Variants in KATNAL2 observed in about 807,000 individuals in gnomAD.
KATNAL2 encodes katanin catalytic subunit A1 like 2.
A neutral mutation model predicts 76.3 loss-of-function variants in KATNAL2; 52 were observed. That is an observed-to-expected ratio of 0.68 (90% CI 0.55 to 0.86). The LOEUF (loss-of-function observed/expected upper bound fraction) is 0.86, where lower values mean the gene tolerates loss of function less well. Among genes scored for constraint, KATNAL2 ranks in the 40% least tolerant of loss-of-function variants. The pLI, the probability that KATNAL2 is intolerant of heterozygous loss-of-function variation, is 0.00. For missense variants in KATNAL2, 660 were observed against 668.9 expected, an observed-to-expected ratio of 0.99 and a Z score of 0.15; for synonymous variants, 243 against 244.2, an observed-to-expected ratio of 1.00 and a Z score of 0.05.
intron 1 of KATNAL2, among the ~76,000 whole-genome samples, chr18:46,928,580 A>G (rs1451868828): frequency 6.6e-6 from 1 of 152,188 alleles, no homozygotes; most frequent in Non-Finnish European, 1.5e-5. Flanking sequence ...CTGAAGCTGC[A>G]TGCTGGGAGA....
rs530706275 is a variant in KATNAL2, at chr18:46,936,658, T to C, written c.-509-9399T>C. Among the ~76,000 whole-genome samples the C allele has an allele frequency of 8.5e-5, 13 of 152,130 alleles. No homozygotes were observed. In the South Asian group the frequency reaches 2.5e-3, roughly 29 times the overall value. On this transcript the variant is annotated intron_variant, in intron 1 of 17. Coordinates refer to ENST00000683218, the MANE Select transcript of KATNAL2 (RefSeq NM_001387690.1). ...TGAATGATGATGAAAATACTACATATCCAAATTTATGGGCCAGACACGGTG... is the reference window on the plus strand; with the variant it reads ...TGAATGATGATGAAAATACTACATACCCAAATTTATGGGCCAGACACGGTG...
intron 3 of KATNAL2, among the ~76,000 whole-genome samples, chr18:46,960,889 G>A (rs59183720): frequency 0.02 from 2,992 of 152,322 alleles, 95 homozygotes; most frequent in African/African-American, 0.068. Context: ...GTTAAAGAAG[G>A]AAGTGGCTTT....
intron 3 of KATNAL2, among the ~76,000 whole-genome samples, chr18:47,042,107 C>G (rs969329343): frequency 2.6e-5 from 4 of 152,094 alleles, no homozygotes; most frequent in African/African-American, 9.7e-5. Flanking sequence ...GATACCAGTC[C>G]TTTATCAGAT....
Position 47,054,576 on chromosome 18 carries a change from G to A in KATNAL2, c.332+138G>A, listed in dbSNP as rs891839707. 1.1e-5 allele frequency: 9 copies of A among 817,134 alleles called. No homozygotes were observed. The African/African-American group carries it at 1.6e-4, about 14-fold the overall frequency. The allele number at this position is 817,134 out of a possible 1,614,324, so 50.6% of individuals were successfully genotyped here. A position where few individuals can be genotyped will look rare whatever the true frequency, so the allele number is the denominator to read the frequency against. ...CAGTCATGTGACCTGGCCCAGCCCA[G>A]GACTTCTCTCATTACAGCTGCCCCA... On this transcript the variant is annotated intron_variant, in intron 6 of 17. Coordinates refer to ENST00000683218, the MANE Select transcript of KATNAL2 (RefSeq NM_001387690.1).
chr18:46,923,564 A>T (rs1179913706), intron 1 of KATNAL2, among the ~76,000 whole-genome samples: 8 of 152,116 alleles, frequency 5.3e-5, no homozygotes, highest in Non-Finnish European at 1.0e-4. Context: ...TAGCAGCATG[A>T]TTTATAATCC....
chr18:47,056,138 C>G (rs1016810159), intron 6 of KATNAL2, among the ~76,000 whole-genome samples: 3 of 152,176 alleles, frequency 2.0e-5, no homozygotes, highest in Non-Finnish European at 4.4e-5. Context: ...TGATGGATGA[C>G]AGAAATGGGA....
chr18:47,098,233 AAG>A, intron 15 of KATNAL2: 1 of 406,970 alleles, frequency 2.5e-6, no homozygotes, highest in Non-Finnish European at 4.8e-6. Context: ...AAAAAAAAAA[AAG>A]TGTACTAGTC....
chr18:47,052,286 G>A (rs114242724), intron 4 of KATNAL2, among the ~76,000 whole-genome samples: 2,730 of 152,302 alleles, frequency 0.018, 80 homozygotes, highest in African/African-American at 0.062. Context: ...ACACTCTGAA[G>A]TGCAATGTGT....
chr18:47,087,385 A>T (rs1399406975), intron 15 of KATNAL2, among the ~76,000 whole-genome samples: 1 of 152,196 alleles, frequency 6.6e-6, no homozygotes, highest in Non-Finnish European at 1.5e-5. Context: ...GAACGAGATG[A>T]TGTCTTTTGT....
rs376877321 is a variant in KATNAL2 at position 47,043,245 on chromosome 18, A to AAAAAAAAAAAAAAAT, written c.52-3212_52-3211insAAAAAAAAAAAAAAT. Among the ~76,000 whole-genome samples the AAAAAAAAAAAAAAAT allele has an allele frequency of 1.2e-3, 110 of 93,124 alleles. 15 individuals are homozygous for AAAAAAAAAAAAAAAT. Among genetic ancestry groups the AAAAAAAAAAAAAAAT allele is most frequent in the African/African-American group, 3.0e-3 (75 of 24,722 alleles). The allele number at this position is 93,124 out of a possible 152,430, so 61.1% of individuals were successfully genotyped here. ...CCGTTTCAAAAAAAAAAAAAAAAAAAGAGATCCTAAAAGCTTCCTGGGAAG... is the reference window on the plus strand; with the variant it reads ...CCGTTTCAAAAAAAAAAAAAAAAAAAAAAAAAAAAAAAAATGAGATCCTAAAAGCTTCCTGGGAAG... On this transcript the variant is annotated intron_variant, in intron 3 of 17. Transcript: ENST00000683218.
At position 46,944,219 on chromosome 18, in the gene KATNAL2, A is replaced by G. The variant is rs139795513; in HGVS notation, c.-509-1838A>G. 2.1e-3 allele frequency among the ~76,000 whole-genome samples: 318 copies of G among 152,312 alleles called. 2 individuals are homozygous for G. The highest frequency in any genetic ancestry group is 3.4e-3 in the Middle Eastern group (1 of 294). On this transcript the variant is annotated intron_variant, in intron 1 of 17. Transcript: ENST00000683218. ...GGTTATAGTTTCATTGCCTTGTAAG[A>G]CATTAACAAGTTTTGTATCTAACCT...
intron 1 of KATNAL2, among the ~76,000 whole-genome samples, chr18:46,918,907 G>T (rs1046270627): frequency 6.6e-6 from 1 of 151,812 alleles, no homozygotes; most frequent in African/African-American, 2.4e-5. Context: ...CCTCTCCTAG[G>T]ACCCTGAACT....
intron 3 of KATNAL2, among the ~76,000 whole-genome samples, chr18:46,961,166 A>C (rs1333961285): frequency 6.6e-6 from 1 of 152,194 alleles, no homozygotes; most frequent in Non-Finnish European, 1.5e-5. Context: ...TTTTTTCTTT[A>C]ACTACAAGGA....
At chr18:47,054,006 CT>C (rs2061405870) in intron 5 of KATNAL2, among the ~76,000 whole-genome samples, 1 of 152,214 alleles carries the variant, frequency 6.6e-6, no homozygotes, top group Non-Finnish European at 1.5e-5. Flanking sequence ...CAGAGTATGA[CT>C]TCAGTGTTCC....
chr18:47,077,105 C>T (rs372181593), intron 14 of KATNAL2, among the ~76,000 whole-genome samples: 6 of 152,254 alleles, frequency 3.9e-5, no homozygotes, highest in Non-Finnish European at 8.8e-5. Flanking sequence ...TTATTTTCTC[C>T]AGCTCACTGC....
intron 3 of KATNAL2, among the ~76,000 whole-genome samples, chr18:47,041,236 G>A (rs1599625483): frequency 6.6e-6 from 1 of 152,100 alleles, no homozygotes; most frequent in African/African-American, 2.4e-5. Context: ...TTACATGAGG[G>A]TTCATGCTTG....
chr18:47,041,810 T>C (rs759554772), intron 3 of KATNAL2, among the ~76,000 whole-genome samples: 1 of 152,226 alleles, frequency 6.6e-6, no homozygotes, highest in Non-Finnish European at 1.5e-5. Context: ...TTTCAAAGTG[T>C]TTGTACTGTT....
chr18:47,039,251 A>G (rs1599616122), intron 3 of KATNAL2, among the ~76,000 whole-genome samples: 1 of 152,124 alleles, frequency 6.6e-6, no homozygotes, highest in Non-Finnish European at 1.5e-5. Flanking sequence ...CATATACCTT[A>G]CAACTCACCA....
At chr18:47,081,044 C>A (rs1000159864) in intron 15 of KATNAL2, among the ~76,000 whole-genome samples, 1 of 150,308 alleles carries the variant, frequency 6.7e-6, no homozygotes, top group South Asian at 2.2e-4. Flanking sequence ...TTCCCTCTTT[C>A]CTTCCTTCCC....
Sources: allele counts gnomAD v4.1 joint callset (sites outside exome capture counted in the v4.1 genomes callset), GRCh38; gene constraint gnomAD v4.1.1; transcripts MANE v1.5; gene names NCBI Gene and HGNC (gene_info 2026-07-23, HGNC 2026-07-21).